Variants in FBXO34 observed in about 807,000 individuals in gnomAD.
FBXO34 encodes F-box protein 34.
In FBXO34, 12 loss-of-function variants were observed where a neutral mutation model predicts 24.5. That is an observed-to-expected ratio of 0.49 (90% CI 0.31 to 0.79). FBXO34 has a LOEUF of 0.79. Ranked by LOEUF, FBXO34 falls within the 30% of genes least tolerant of loss-of-function variation. The probability of loss-of-function intolerance (pLI) is 0.04; values close to 1 mark genes in which losing one functional copy is unlikely to be tolerated. For missense variants in FBXO34, 823 were observed against 857.7 expected, an observed-to-expected ratio of 0.96 and a Z score of 0.51; for synonymous variants, 320 against 311.9, an observed-to-expected ratio of 1.03 and a Z score of -0.27.
chr14:55,417,410 C>T, the FBXO34 span, among the ~76,000 whole-genome samples: 3 of 143,442 alleles, frequency 2.1e-5, no homozygotes, highest in Non-Finnish European at 4.5e-5. Context: ...TAATCAAAAA[C>T]CCCAATTTGT....
intron 1 of FBXO34, among the ~76,000 whole-genome samples, chr14:55,298,317 C>A (rs1806442449): frequency 6.6e-6 from 1 of 152,058 alleles, no homozygotes; most frequent in African/African-American, 2.4e-5. Flanking sequence ...ATTGGACACC[C>A]CTGGTGTAGT....
At chr14:55,291,953 A>C (rs949981345) in intron 1 of FBXO34, among the ~76,000 whole-genome samples, 1 of 152,128 alleles carries the variant, frequency 6.6e-6, no homozygotes. Flanking sequence ...GTGACAAAGT[A>C]AGACCTCATT....
intron 1 of FBXO34, among the ~76,000 whole-genome samples, chr14:55,319,961 C>A (rs1400514741): frequency 6.6e-6 from 1 of 152,260 alleles, no homozygotes. Flanking sequence ...CATGAGCCAC[C>A]ACACCTGGCC....
intron 3 of FBXO34, among the ~76,000 whole-genome samples, chr14:55,359,073 CAT>C (rs1884558466): frequency 6.6e-6 from 1 of 152,060 alleles, no homozygotes; most frequent in African/African-American, 2.4e-5. Context: ...CCACTCCCAG[CAT>C]AGTCTCTCTG....
the FBXO34 span, among the ~76,000 whole-genome samples, chr14:55,402,965 AT>A: frequency 2.5e-3 from 189 of 76,462 alleles, 13 homozygotes; most frequent in Admixed American, 0.017. Context: ...ATATATATAT[AT>A]ATAAATAGCT....
downstream of FBXO34, among the ~76,000 whole-genome samples, chr14:55,358,077 C>T (rs1242748855): frequency 6.6e-6 from 1 of 151,584 alleles, no homozygotes; most frequent in Non-Finnish European, 1.5e-5. Flanking sequence ...CCCTTCCTCA[C>T]CAATCCTCCC....
chr14:55,289,027 G>A (rs1881853969), intron 1 of FBXO34, among the ~76,000 whole-genome samples: 1 of 152,034 alleles, frequency 6.6e-6, no homozygotes, highest in Admixed American at 6.6e-5. Flanking sequence ...CTCCAGCCTG[G>A]GTGACAGAGC....
At chr14:55,380,318 C>T in the FBXO34 span, among the ~76,000 whole-genome samples, 2 of 152,146 alleles carry the variant, frequency 1.3e-5, no homozygotes, top group Admixed American at 1.3e-4. Context: ...TGAGGATCTG[C>T]AGCAAACCCT....
At chr14:55,307,816 A>G (rs1465863034) in intron 1 of FBXO34, among the ~76,000 whole-genome samples, 1 of 152,226 alleles carries the variant, frequency 6.6e-6, no homozygotes, top group East Asian at 1.9e-4. Flanking sequence ...GGGGACTGAC[A>G]TTTAATGACC....
At chr14:55,288,922 A>G (rs58458194) in intron 1 of FBXO34, among the ~76,000 whole-genome samples, 45,942 of 151,924 alleles carry the variant, frequency 0.3, 7,235 homozygotes, top group Non-Finnish European at 0.34. Context: ...GTGGTGGCGC[A>G]TGCCTGTAAT....
chr14:55,277,977 AAAC>A, intron 1 of FBXO34, among the ~76,000 whole-genome samples: 1 of 152,276 alleles, frequency 6.6e-6, no homozygotes, highest in Middle Eastern at 3.4e-3. Context: ...GAACTTCTAG[AAAC>A]AAACCCCTGA....
chr14:55,385,727 A>AT, the FBXO34 span: 1 of 859,156 alleles, frequency 1.2e-6, no homozygotes, highest in African/African-American at 1.7e-5. Flanking sequence ...GTTGAAACAG[A>AT]TAAGACTTAT....
chr14:55,375,557 T>C, the FBXO34 span, among the ~76,000 whole-genome samples: 1 of 147,272 alleles, frequency 6.8e-6, no homozygotes, highest in Non-Finnish European at 1.5e-5. Flanking sequence ...TTGCCCAGGC[T>C]GGTCTTGAAC....
chr14:55,290,141 C>T (rs1209002847), intron 1 of FBXO34, among the ~76,000 whole-genome samples: 1 of 152,072 alleles, frequency 6.6e-6, no homozygotes, highest in Non-Finnish European at 1.5e-5. Context: ...CCTGTAATCC[C>T]AGCACTTTGG....
chr14:55,295,865 A>C (rs1290062602), intron 1 of FBXO34, among the ~76,000 whole-genome samples: 1 of 152,258 alleles, frequency 6.6e-6, no homozygotes, highest in Non-Finnish European at 1.5e-5. Context: ...GAAGTAAAAA[A>C]GAAATTAGGA....
chr14:55,328,445 A>C (rs1018409743), intron 1 of FBXO34, among the ~76,000 whole-genome samples: 10 of 152,332 alleles, frequency 6.6e-5, no homozygotes, highest in African/African-American at 2.4e-4. Context: ...AGAGATAGCT[A>C]CTGAGCTACT....
intron 1 of FBXO34, among the ~76,000 whole-genome samples, chr14:55,284,062 G>A (rs938294998): frequency 1.3e-4 from 19 of 151,804 alleles, no homozygotes; most frequent in Middle Eastern, 3.4e-3. Context: ...GCAGTGGCAC[G>A]GTCATAGCTT....
chr14:55,408,815 T>C, the FBXO34 span, among the ~76,000 whole-genome samples: 1 of 152,176 alleles, frequency 6.6e-6, no homozygotes, highest in Non-Finnish European at 1.5e-5. Context: ...TGGTAGAGCT[T>C]GGAATCAATT....
chr14:55,387,718 G>A, the FBXO34 span, among the ~76,000 whole-genome samples: 1 of 152,058 alleles, frequency 6.6e-6, no homozygotes, highest in Non-Finnish European at 1.5e-5. Flanking sequence ...TGCCCAGGCT[G>A]GAATGCAGTG....
Sources: allele counts gnomAD v4.1 joint callset (sites outside exome capture counted in the v4.1 genomes callset), GRCh38; gene constraint gnomAD v4.1.1; transcripts MANE v1.5; gene names NCBI Gene and HGNC (gene_info 2026-07-23, HGNC 2026-07-21).